PCNT: variants seen among roughly 807,000 people sequenced by gnomAD.
PCNT encodes pericentrin, also known as kendrin.
In PCNT, 319 loss-of-function variants were observed where a neutral mutation model predicts 380.4. The ratio of observed to expected loss-of-function variants is 0.84; its 90% confidence interval spans 0.77 to 0.92. The LOEUF is 0.92. Among genes scored for constraint, PCNT ranks in the 40% least tolerant of loss-of-function variants. The pLI, the probability that PCNT is intolerant of heterozygous loss-of-function variation, is 0.00. For synonymous variants in PCNT, 1,845 were observed against 1,735.2 expected (o/e 1.06, Z -1.57); for missense variants, 4,400 against 4,255.3 (o/e 1.03, Z -0.95).
At position 46,440,202 on chromosome 21, in the gene PCNT, G is replaced by A; in HGVS notation, c.9393G>A (p.Lys3131=). Residue 3131 remains lysine (K), a splice_region_variant and synonymous_variant, in exon 42 of 47, where the codon AAG becomes AAA. Transcript: ENST00000359568. ...AGGAAGCACACACCAGCAATGTCAAGGTAGGAACGGTGCCACGAGTATAGA... is the reference window on the plus strand; with the variant it reads ...AGGAAGCACACACCAGCAATGTCAAAGTAGGAACGGTGCCACGAGTATAGA... The part of the protein sequence containing the change: ...ASEEAHTSNV[K]MEKLYLHYLR... The A allele has an allele frequency of 6.2e-7, 1 of 1,614,016 alleles. No homozygotes were observed. The highest frequency in any genetic ancestry group is 8.5e-7 in the Non-Finnish European group (1 of 1,180,040).
In PCNT at chr21:46,441,084, G is replaced by A. The variant is rs1210539800; in HGVS notation, c.9623G>A (p.Arg3208Lys). The change falls in exon 43 of 47, where the codon AGA becomes AAA. Residue 3208 changes from arginine to lysine, a missense_variant and splice_region_variant. By Grantham distance (26) the Arg-to-Lys change is conservative (BLOSUM62 2). Coordinates refer to ENST00000359568, the MANE Select transcript of PCNT (RefSeq NM_006031.6). ...TAVRVVIAIL[R>K]LRFLVKKWQE... ...GTCAGGGTGGTCATTGCAATATTAAGGTAAATGCCATGACGTTCAGTCAGT... is the reference window on the plus strand; with the variant it reads ...GTCAGGGTGGTCATTGCAATATTAAAGTAAATGCCATGACGTTCAGTCAGT... The A allele has an allele frequency of 6.3e-7, 1 of 1,588,768 alleles. No homozygotes were observed. The highest frequency in any genetic ancestry group is 2.2e-5 in the East Asian group (1 of 44,766).
chr21:46,364,754 C>T (rs957225936), intron 14 of PCNT, among the ~76,000 whole-genome samples: 2 of 152,208 alleles, frequency 1.3e-5, no homozygotes, highest in African/African-American at 4.8e-5. Context: ...CAGCCCTTCC[C>T]CAGCAACCAG....
At position 46,411,952 on chromosome 21, in the gene PCNT, G is replaced by A. The variant is rs34813667; in HGVS notation, c.5879G>A (p.Arg1960Gln). The change falls in exon 28 of 47, where the codon CGG becomes CAG. Residue 1960 changes from arginine (R) to glutamine (Q), a missense_variant. Physicochemically the swap from Arg to Gln is conservative, Grantham distance 43. Coordinates refer to ENST00000359568, the MANE Select transcript of PCNT (RefSeq NM_006031.6). ...GCCCGCAGAGCCACAGCTCACACAC[G>A]GGTGCCCGGGGCCCACCCACAGCCT... ...RQARRATAHT[R>Q]VPGAHPQPRM... The A allele has an allele frequency of 3.9e-3, 6,278 of 1,597,508 alleles. 230 individuals carry two copies. In the African/African-American group the frequency reaches 0.072, roughly 18 times the overall value.
intron 15 of PCNT, among the ~76,000 whole-genome samples, chr21:46,372,251 A>C (rs901370535): frequency 1.3e-5 from 2 of 151,864 alleles, no homozygotes; most frequent in East Asian, 3.9e-4. Context: ...GCACATACAC[A>C]GCACATGTGC....
Position 46,367,083 on chromosome 21 carries a change from G to A in PCNT, c.3109G>A (p.Glu1037Lys), listed in dbSNP as rs119479063. ...LQSVRDHLRT[E>K]VSTELAGTVA... ...GTCTGTGCGGGACCACCTGCGAACC[G>A]AAGTGAGCACAGAGCTCGCCGGAAC... is the stretch of plus-strand genomic sequence containing the variant. Residue 1037 changes from glutamate to lysine, a missense_variant, in exon 15 of 47, where the codon GAA becomes AAA. Glu to Lys is a moderately conservative substitution (Grantham distance 56, BLOSUM62 1). Transcript: ENST00000359568. 1.5e-5 allele frequency: 25 copies of A among 1,613,692 alleles called. No homozygotes were observed. The African/African-American group carries it at 1.7e-4, about 11-fold the overall frequency.
intron 27 of PCNT, among the ~76,000 whole-genome samples, chr21:46,408,989 A>G (rs568466603): frequency 6.6e-6 from 1 of 151,826 alleles, no homozygotes; most frequent in Admixed American, 6.6e-5. Context: ...TTCCCAAAGT[A>G]CTGGGATTAC....
At chr21:46,418,381 G>C in intron 31 of PCNT, 75 bp downstream of exon 31, 1 of 921,948 alleles carries the variant, frequency 1.1e-6, no homozygotes, top group Non-Finnish European at 1.8e-6. Context: ...AAGAATTCCT[G>C]CATCCTTTGC....
intron 12 of PCNT, 116 bp from the exon 13 acceptor site, chr21:46,356,858 T>C (rs2084498655): frequency 1.2e-6 from 1 of 845,232 alleles, no homozygotes; most frequent in Non-Finnish European, 2.0e-6. Flanking sequence ...AGCTTGAAAA[T>C]CCACAGTGTC....
At position 46,391,247 on chromosome 21, in the gene PCNT, C is replaced by T. The variant is rs1166739616; in HGVS notation, c.4087C>T (p.Leu1363=). ...GKEDSEHRLV[L]ELESLRRQLQ... ...GGAGGATTCCGAGCACCGTCTGGTGCTGGAGCTGGAGAGCCTGAGACGGCA... is the reference window on the plus strand; with the variant it reads ...GGAGGATTCCGAGCACCGTCTGGTGTTGGAGCTGGAGAGCCTGAGACGGCA... Residue 1363 remains leucine (L), a synonymous_variant, in exon 21 of 47, where the codon CTG becomes TTG. Transcript: ENST00000359568. 1 of 1,604,672 alleles carries T rather than the reference C, an allele frequency of 6.2e-7. No homozygotes were observed. Among genetic ancestry groups the T allele is most frequent in the South Asian group, 1.1e-5 (1 of 88,864 alleles).
chr21:46,367,159 C>T lies in PCNT; in HGVS notation c.3165+20C>T. Reference sequence around the variant, plus strand: ...CACCAGGTAAGGCGCCAGGGCCCTGCCCCAGCCCAGGGCAGGCCTCTCCTC... The same window carrying T: ...CACCAGGTAAGGCGCCAGGGCCCTGTCCCAGCCCAGGGCAGGCCTCTCCTC... On this transcript the variant is annotated intron_variant, in intron 15 of 46. Transcript: ENST00000359568. The T allele has an allele frequency of 6.2e-7, 1 of 1,605,176 alleles. No homozygotes were observed. The highest frequency in any genetic ancestry group is 8.5e-7 in the Non-Finnish European group (1 of 1,176,506).
At chr21:46,412,180 G>T in intron 28 of PCNT, 113 bp downstream of exon 28, 16 of 1,265,284 alleles carry the variant, frequency 1.3e-5, no homozygotes, top group Non-Finnish European at 1.8e-5. Flanking sequence ...TGTCATGGTG[G>T]CTCATGACAC....
At chr21:46,384,046 TCA>T (rs1480708527) in intron 16 of PCNT, among the ~76,000 whole-genome samples, 2 of 145,438 alleles carry the variant, frequency 1.4e-5, no homozygotes, top group Non-Finnish European at 3.0e-5. Context: ...GGAAGCACAT[TCA>T]CAGTGCTGTG....
At position 46,431,687 on chromosome 21, in the gene PCNT, T is replaced by C. The variant is rs755865241; in HGVS notation, c.8223T>C (p.Ser2741=). ...ALLAQERSQL[S]ELQKDLAAEK... Reference sequence around the variant, plus strand: ...TGGCTCAGGAGCGGAGCCAGCTCTCTGAGCTCCAGAAGGACCTTGCGGCTG... The same window carrying C: ...TGGCTCAGGAGCGGAGCCAGCTCTCCGAGCTCCAGAAGGACCTTGCGGCTG... Residue 2741 remains serine, a synonymous_variant, in exon 38 of 47, where the codon TCT becomes TCC. Transcript: ENST00000359568. 2 of 1,612,816 alleles carry C rather than the reference T, an allele frequency of 1.2e-6. No homozygotes were observed. The highest frequency in any genetic ancestry group is 8.5e-7 in the Non-Finnish European group (1 of 1,179,684).
chr21:46,420,210 G>A (rs528194939), intron 31 of PCNT, among the ~76,000 whole-genome samples: 1 of 152,238 alleles, frequency 6.6e-6, no homozygotes, highest in African/African-American at 2.4e-5. Context: ...CTCCTCGTTC[G>A]TCCTTCCTCC....
At chr21:46,357,366 A>T (rs969999977) in intron 13 of PCNT, among the ~76,000 whole-genome samples, 175 bp downstream of exon 13, 3 of 152,240 alleles carry the variant, frequency 2.0e-5, no homozygotes, top group Non-Finnish European at 4.4e-5. Context: ...TGGCAATGCC[A>T]GTAGTGGGTG....
chr21:46,376,096 C>T (rs533100032), intron 15 of PCNT, among the ~76,000 whole-genome samples: 3 of 152,192 alleles, frequency 2.0e-5, no homozygotes, highest in Non-Finnish European at 4.4e-5. Flanking sequence ...CTACCCTCTC[C>T]GTCTGCAGTG....
rs548140149 is a variant in PCNT at position 46,408,944 on chromosome 21, G to A, written c.5116-2245G>A. ...TCATCACGTTGGCCAGGCTGGTCTCGAACTCTTGACCTCTGGTGACCCACC... is the reference window on the plus strand; with the variant it reads ...TCATCACGTTGGCCAGGCTGGTCTCAAACTCTTGACCTCTGGTGACCCACC... On this transcript the variant is annotated intron_variant, in intron 27 of 46. Transcript: ENST00000359568. Among the ~76,000 whole-genome samples the A allele has an allele frequency of 3.0e-4, 45 of 151,920 alleles. 1 individual carries two copies. The South Asian group carries it at 9.2e-3, about 31-fold the overall frequency.
rs575306603 is a variant in PCNT, at chr21:46,326,837, A to G, written c.267+248A>G. ...CAGACCAGCCTGGCCAACATGGAGA[A>G]ACCCTGTCTATACTAAAAATACAAA... On this transcript the variant is annotated intron_variant, in intron 2 of 46. Coordinates refer to ENST00000359568, the MANE Select transcript of PCNT (RefSeq NM_006031.6). Among the ~76,000 whole-genome samples, 255 of 152,102 alleles carry G rather than the reference A, an allele frequency of 1.7e-3. 1 individual carries two copies. The highest frequency in any genetic ancestry group is 5.7e-3 in the African/African-American group (237 of 41,536).
chr21:46,421,235 T>C (rs902146882), intron 31 of PCNT, among the ~76,000 whole-genome samples: 3 of 152,236 alleles, frequency 2.0e-5, no homozygotes, highest in African/African-American at 7.2e-5. Context: ...GGTGCCCAAG[T>C]GCTGCAGCCT....
Sources: allele counts gnomAD v4.1 joint callset (sites outside exome capture counted in the v4.1 genomes callset), GRCh38; gene constraint gnomAD v4.1.1; transcripts MANE v1.5; gene names NCBI Gene and HGNC (gene_info 2026-07-23, HGNC 2026-07-21).